The following RBFOX3 variants were observed in gnomAD, a reference collection of about 807,000 sequenced individuals.
RBFOX3 encodes the protein RNA binding fox-1 homolog 3, also known as RNA binding protein fox-1 homolog 3.
In RBFOX3, 17 loss-of-function variants were observed where a neutral mutation model predicts 48.7. That is an observed-to-expected ratio of 0.35 (90% CI 0.24 to 0.52). The LOEUF (loss-of-function observed/expected upper bound fraction) is 0.52, where lower values mean the gene tolerates loss of function less well. RBFOX3 is among the 20% of genes least tolerant of loss of function. The pLI is 0.94. For synonymous variants in RBFOX3, 212 were observed against 209.5 expected, an observed-to-expected ratio of 1.01 and a Z score of -0.10; for missense variants, 382 against 497.5, an observed-to-expected ratio of 0.77 and a Z score of 2.21.
rs975658721 is a variant in RBFOX3, at chr17:79,590,640, G to A, written c.-320+20186C>T. On this transcript the variant is annotated intron_variant, in intron 1 of 14. Coordinates refer to ENST00000693108, the MANE Select transcript of RBFOX3 (RefSeq NM_001350451.2). ...CTGGGGCTCCTCCAGGAAAGGAGGC[G>A]GAAAATCCAGGATACCAATGAAGTT... Among the ~76,000 whole-genome samples, 550 of 152,264 alleles carry A rather than the reference G, an allele frequency of 3.6e-3. 5 individuals are homozygous for A. Among genetic ancestry groups the A allele is most frequent in the African/African-American group, 0.012 (502 of 41,540 alleles).
chr17:79,499,012 ATACCCATCCATCCACTCATACCCTCATC>A (rs1372363245), intron 1 of RBFOX3, among the ~76,000 whole-genome samples: 2 of 146,316 alleles, frequency 1.4e-5, no homozygotes, highest in Non-Finnish European at 3.0e-5. Context: ...GTCCACTCAT[ATACCCATCCATCCACTCATACCCTCATC>A]TACCCATCCA....
chr17:79,491,671 G>A lies in RBFOX3; in HGVS notation c.-319-9073C>T, dbSNP rs901057884. ...GTGAGGAGGAAGAAGTTGGGCTTGG[G>A]AGACCAGGACATCAGGAAATTGCAG... On this transcript the variant is annotated intron_variant, in intron 1 of 14. Transcript: ENST00000693108. Among the ~76,000 whole-genome samples the A allele has an allele frequency of 1.2e-4, 18 of 152,278 alleles. No homozygotes were observed. In the East Asian group the frequency reaches 3.5e-3, roughly 29 times the overall value.
At chr17:79,123,365 T>C (rs1423735138) in intron 4 of RBFOX3, among the ~76,000 whole-genome samples, 1 of 152,056 alleles carries the variant, frequency 6.6e-6, no homozygotes, top group Non-Finnish European at 1.5e-5. Context: ...CAATTAAAAG[T>C]AAGAAAAACG....
intron 2 of RBFOX3, among the ~76,000 whole-genome samples, chr17:79,379,052 G>A (rs1224569748): frequency 2.0e-5 from 3 of 152,168 alleles, no homozygotes; most frequent in Non-Finnish European, 4.4e-5. Context: ...ATTCTCAACT[G>A]GGGAAGCTGT....
intron 2 of RBFOX3, among the ~76,000 whole-genome samples, chr17:79,335,414 C>T (rs1375717393): frequency 2.6e-5 from 4 of 152,258 alleles, no homozygotes; most frequent in Admixed American, 6.5e-5. Context: ...TTCACATGCA[C>T]GTTTTGCTAT....
At chr17:79,444,321 G>C (rs555058049) in intron 2 of RBFOX3, among the ~76,000 whole-genome samples, 8 of 152,216 alleles carry the variant, frequency 5.3e-5, no homozygotes, top group African/African-American at 1.7e-4. Context: ...TATGGCCTGT[G>C]CGTCTGGCTC....
chr17:79,583,034 A>C (rs2093129484), intron 1 of RBFOX3, among the ~76,000 whole-genome samples: 1 of 152,188 alleles, frequency 6.6e-6, no homozygotes, highest in Non-Finnish European at 1.5e-5. Flanking sequence ...TGCAGGGGAC[A>C]GGCAAGCCCG....
chr17:79,343,273 C>G (rs1013554576), intron 2 of RBFOX3, among the ~76,000 whole-genome samples: 1 of 152,150 alleles, frequency 6.6e-6, no homozygotes, highest in Admixed American at 6.5e-5. Context: ...CACCTGTAAT[C>G]CCAGCACTTT....
chr17:79,353,000 C>T (rs1568094456), intron 2 of RBFOX3, among the ~76,000 whole-genome samples: 1 of 152,240 alleles, frequency 6.6e-6, no homozygotes, highest in Non-Finnish European at 1.5e-5. Context: ...CTTGGAGCAT[C>T]CACCTGGAAC....
chr17:79,601,451 C>T (rs1249798469), intron 1 of RBFOX3: 1 of 152,296 alleles, frequency 6.6e-6, no homozygotes, highest in Non-Finnish European at 1.5e-5. Flanking sequence ...CGCCCCCTTC[C>T]CCTGCAGCAG....
At chr17:79,464,087 T>C (rs2075997719) in intron 2 of RBFOX3, among the ~76,000 whole-genome samples, 1 of 152,244 alleles carries the variant, frequency 6.6e-6, no homozygotes, top group South Asian at 2.1e-4. Context: ...CCACCAATGA[T>C]GGGGAACTTG....
intron 2 of RBFOX3, among the ~76,000 whole-genome samples, chr17:79,329,599 T>G (rs1045849692): frequency 2.2e-4 from 34 of 152,270 alleles, no homozygotes; most frequent in African/African-American, 7.2e-4. Flanking sequence ...TCTGCATGCC[T>G]GGTGGGGGCT....
chr17:79,228,994 G>T (rs141758380), intron 4 of RBFOX3, among the ~76,000 whole-genome samples: 12 of 150,734 alleles, frequency 8.0e-5, no homozygotes, highest in African/African-American at 2.9e-4. Flanking sequence ...TTGGGAGGCC[G>T]AGATGGGCGG....
chr17:79,454,412 AG>A (rs1337418729), intron 2 of RBFOX3, among the ~76,000 whole-genome samples: 4 of 151,984 alleles, frequency 2.6e-5, no homozygotes, highest in Admixed American at 1.3e-4. Context: ...CCCTCTGCGG[AG>A]GCCCAGCCCC....
intron 2 of RBFOX3, among the ~76,000 whole-genome samples, chr17:79,383,685 T>G (rs1008210966): frequency 5.3e-5 from 8 of 152,152 alleles, no homozygotes; most frequent in African/African-American, 1.9e-4. Context: ...CTAGAACATG[T>G]GGTGGGAATC....
intron 2 of RBFOX3, among the ~76,000 whole-genome samples, chr17:79,448,967 G>A (rs1455730034): frequency 6.6e-6 from 1 of 152,046 alleles, no homozygotes; most frequent in African/African-American, 2.4e-5. Context: ...GGCACTAGAA[G>A]GGTCACTTTG....
intron 2 of RBFOX3, among the ~76,000 whole-genome samples, chr17:79,465,629 T>C (rs1403905403): frequency 6.6e-6 from 1 of 151,186 alleles, no homozygotes; most frequent in African/African-American, 2.4e-5. Flanking sequence ...ACTCCCTGCA[T>C]GTTAACTAGC....
At chr17:79,645,361 T>C in the RBFOX3 span, among the ~76,000 whole-genome samples, 1 of 151,922 alleles carries the variant, frequency 6.6e-6, no homozygotes, top group Non-Finnish European at 1.5e-5. Context: ...CGCCTCTTTA[T>C]GCGCCACCAA....
At chr17:79,260,245 G>A (rs116864300) in intron 3 of RBFOX3, among the ~76,000 whole-genome samples, 3,828 of 152,076 alleles carry the variant, frequency 0.025, 48 homozygotes, top group South Asian at 0.04. Context: ...GCTAGCTGTC[G>A]GGGACCCCCT....
Sources: allele counts gnomAD v4.1 joint callset (sites outside exome capture counted in the v4.1 genomes callset), GRCh38; gene constraint gnomAD v4.1.1; transcripts MANE v1.5; gene names NCBI Gene and HGNC (gene_info 2026-07-23, HGNC 2026-07-21).